TICRR: variants seen among roughly 807,000 people sequenced by gnomAD.
The protein encoded by TICRR is TOPBP1 interacting checkpoint and replication regulator.
A neutral mutation model predicts 178.1 loss-of-function variants in TICRR; 132 were observed. That is an observed-to-expected ratio of 0.74 (90% CI 0.64 to 0.86). The LOEUF (loss-of-function observed/expected upper bound fraction) is 0.86, where lower values mean the gene tolerates loss of function less well. TICRR is among the 40% of genes least tolerant of loss of function. The pLI is 0.00. For synonymous variants in TICRR, 991 were observed against 900.7 expected (o/e 1.10, Z -1.79); for missense variants, 2,587 against 2,334.3 (o/e 1.11, Z -2.23).
At chr15:89,607,746 T>A (rs1449634176) in intron 14 of TICRR, among the ~76,000 whole-genome samples, 5 of 152,086 alleles carry the variant, frequency 3.3e-5, no homozygotes, top group Non-Finnish European at 7.4e-5. Flanking sequence ...TTGGTTTGGG[T>A]TTAAATGATT....
chr15:89,625,909 T>A (rs1171675719), intron 20 of TICRR, 27 bp from the exon 21 acceptor site: 2 of 1,547,566 alleles, frequency 1.3e-6, no homozygotes, highest in Non-Finnish European at 1.7e-6. Flanking sequence ...CTGGGGACGC[T>A]GCTCTTACTA....
intron 7 of TICRR, among the ~76,000 whole-genome samples, chr15:89,598,230 C>A (rs1299502011): frequency 1.3e-5 from 2 of 152,138 alleles, no homozygotes; most frequent in Non-Finnish European, 2.9e-5. Context: ...ACCTCAGCCT[C>A]CCAAAGTGCT....
At chr15:89,584,159 A>G (rs557649676) in intron 2 of TICRR, 127 bp from the exon 3 acceptor site, 99 of 977,662 alleles carry the variant, frequency 1.0e-4, no homozygotes, top group African/African-American at 9.2e-4. Flanking sequence ...CAGTATCTCA[A>G]TTGACAACTT....
At chr15:89,584,601 A>G (rs777312095) in intron 3 of TICRR, 74 bp downstream of exon 3, 12 of 1,441,294 alleles carry the variant, frequency 8.3e-6, no homozygotes, top group Non-Finnish European at 1.1e-5. Flanking sequence ...GTGTTTATAA[A>G]TGCCCTACAC....
chr15:89,575,806 G>A lies in TICRR; in HGVS notation c.220G>A (p.Glu74Lys), dbSNP rs1364894231. ...CCGCGAGCTGGGGTCCCGCTCGTGGGAGGACTTTGAGGAGGAGCTGGAGGC... is the reference window on the plus strand; with the variant it reads ...CCGCGAGCTGGGGTCCCGCTCGTGGAAGGACTTTGAGGAGGAGCTGGAGGC... ...DFRELGSRSW[E>K]DFEEELEARL... is the part of the protein sequence containing the mutation. The change falls in exon 1 of 22, where the codon GAG (glutamate) becomes AAG (lysine). Residue 74 changes from glutamate to lysine, a missense_variant. Glu to Lys is a moderately conservative substitution (Grantham distance 56). Coordinates refer to ENST00000268138, the MANE Select transcript of TICRR (RefSeq NM_152259.4). 9 of 1,603,090 alleles carry A rather than the reference G, an allele frequency of 5.6e-6. No homozygotes were observed. The highest frequency in any genetic ancestry group is 1.7e-4 in the Middle Eastern group (1 of 5,926).
chr15:89,622,890 C>T (rs1001494784), intron 19 of TICRR, among the ~76,000 whole-genome samples: 1 of 152,218 alleles, frequency 6.6e-6, no homozygotes, highest in Non-Finnish European at 1.5e-5. Flanking sequence ...TTAGGCAGCC[C>T]TTCTTTGTGT....
At chr15:89,582,323 C>CAAAAA (rs35892715) in intron 1 of TICRR, 22 of 113,120 alleles carry the variant, frequency 1.9e-4, no homozygotes, top group African/African-American at 5.9e-4. Flanking sequence ...GACTCTGACT[C>CAAAAA]AAAAAAAAAA....
chr15:89,595,362 T>A, intron 6 of TICRR, 31 bp from the exon 7 acceptor site: 1 of 1,544,194 alleles, frequency 6.5e-7, no homozygotes, highest in Non-Finnish European at 8.9e-7. Context: ...GAAGGCAATT[T>A]ACTTTCCCTC....
chr15:89,579,244 TC>T (rs1421338379), intron 1 of TICRR, among the ~76,000 whole-genome samples: 1 of 152,156 alleles, frequency 6.6e-6, no homozygotes, highest in East Asian at 1.9e-4. Flanking sequence ...CATTTACAGA[TC>T]CCCAAATTTG....
At position 89,582,391 on chromosome 15, in the gene TICRR, G is replaced by C. The variant is rs117622793; in HGVS notation, c.655-295G>C. ...TTCTATGTTCCTTCTAACATTTTATGATCTATACCCAGTGATTTGTGTCAC... is the reference window on the plus strand; with the variant it reads ...TTCTATGTTCCTTCTAACATTTTATCATCTATACCCAGTGATTTGTGTCAC... On this transcript the variant is annotated intron_variant, in intron 1 of 21. Coordinates refer to ENST00000268138, the MANE Select transcript of TICRR (RefSeq NM_152259.4). 729 of 277,042 alleles carry C rather than the reference G, an allele frequency of 2.6e-3. 2 individuals are homozygous for C. Among genetic ancestry groups the C allele is most frequent in the Admixed American group, 5.8e-3 (119 of 20,448 alleles). The allele number at this position is 277,042 out of a possible 1,614,324, so 17.2% of individuals were successfully genotyped here. A position where few individuals can be genotyped will look rare whatever the true frequency, so the allele number is the denominator to read the frequency against.
chr15:89,617,064 G>A (rs552847681), intron 16 of TICRR, among the ~76,000 whole-genome samples: 22 of 152,262 alleles, frequency 1.4e-4, no homozygotes, highest in African/African-American at 5.3e-4. Context: ...GAAAACCCAG[G>A]GAGCTAGCTC....
Position 89,619,848 on chromosome 15 carries a change from A to G in TICRR, c.3154+6A>G, listed in dbSNP as rs867538201. 2 of 1,603,928 alleles carry G rather than the reference A, an allele frequency of 1.2e-6. No homozygotes were observed. Among genetic ancestry groups the G allele is most frequent in the Non-Finnish European group, 1.7e-6 (2 of 1,176,802 alleles). On this transcript the variant is annotated splice_donor_region_variant and intron_variant, in intron 18 of 21. Transcript: ENST00000268138. Reference sequence around the variant, plus strand: ...TTTCCAGCAAGATAAGTCAGGTAACATACGGGCCCCTCTGCCTTCACAAGT... The same window carrying G: ...TTTCCAGCAAGATAAGTCAGGTAACGTACGGGCCCCTCTGCCTTCACAAGT...
intron 13 of TICRR, among the ~76,000 whole-genome samples, chr15:89,603,785 A>G (rs950157449): frequency 2.0e-5 from 3 of 152,206 alleles, no homozygotes; most frequent in South Asian, 2.1e-4. Context: ...CATAAGTTCA[A>G]TTTGTAAATT....
chr15:89,624,038 C>G lies in TICRR; in HGVS notation c.3728C>G (p.Pro1243Arg). 6.2e-7 allele frequency: 1 copy of G among 1,613,980 alleles called. No homozygotes were observed. The highest frequency in any genetic ancestry group is 8.5e-7 in the Non-Finnish European group (1 of 1,179,994). ...TAQPRRECLT[P>R]IRDPLRTPPR... ...CAGCCCAGGAGAGAGTGTCTCACTC[C>G]CATCAGAGACCCTCTCAGAACACCT... Residue 1243 changes from proline to arginine, a missense_variant, in exon 20 of 22, where the codon CCC becomes CGC. Transcript: ENST00000268138.
At chr15:89,578,781 G>T (rs60999640) in intron 1 of TICRR, among the ~76,000 whole-genome samples, 51,171 of 151,686 alleles carry the variant, frequency 0.34, 8,671 homozygotes, top group South Asian at 0.37. Context: ...TTCTTACATC[G>T]GCTGTATCCC....
chr15:89,601,458 CTA>C, intron 10 of TICRR, 29 bp from the exon 11 acceptor site: 1 of 1,613,374 alleles, frequency 6.2e-7, no homozygotes, highest in Non-Finnish European at 8.5e-7. Flanking sequence ...CAGAGGGCAT[CTA>C]TATAGTAACG....
chr15:89,595,825 T>G lies in TICRR; in HGVS notation c.1900+214T>G, dbSNP rs187748479. 4.1e-3 allele frequency among the ~76,000 whole-genome samples: 623 copies of G among 152,040 alleles called. 6 individuals carry two copies. The highest frequency in any genetic ancestry group is 5.4e-3 in the Non-Finnish European group (366 of 67,990). ...TTGTGGTGAGCCGAGATTGCACCACTGCACTCCAGCCTGGGAGACAGAGCG... is the reference window on the plus strand; with the variant it reads ...TTGTGGTGAGCCGAGATTGCACCACGGCACTCCAGCCTGGGAGACAGAGCG... On this transcript the variant is annotated intron_variant, in intron 7 of 21. Coordinates refer to ENST00000268138, the MANE Select transcript of TICRR (RefSeq NM_152259.4).
rs780252923 is a variant in TICRR at position 89,621,438 on chromosome 15, G to C, written c.3200G>C (p.Ser1067Thr). 3 of 1,613,972 alleles carry C rather than the reference G, an allele frequency of 1.9e-6. No homozygotes were observed. Among genetic ancestry groups the C allele is most frequent in the Admixed American group, 3.3e-5 (2 of 59,948 alleles). The change falls in exon 19 of 22, where the codon AGT becomes ACT. Residue 1067 changes from serine (S) to threonine (T), a missense_variant. Physicochemically the swap from Ser to Thr is moderately conservative, Grantham distance 58 (BLOSUM62 1). Coordinates refer to ENST00000268138, the MANE Select transcript of TICRR (RefSeq NM_152259.4). ...SPVQSIRSPKSLLFGAMSEMI... is the reference protein window; with the variant it reads ...SPVQSIRSPKTLLFGAMSEMI... Reference sequence around the variant, plus strand: ...GTCCAAAGTATTCGGTCTCCCAAGAGTCTTCTTTTTGGGGCAATGTCTGAG... The same window carrying C: ...GTCCAAAGTATTCGGTCTCCCAAGACTCTTCTTTTTGGGGCAATGTCTGAG...
rs1269213100 is a variant in TICRR, at chr15:89,619,762, A to G, written c.3074A>G (p.His1025Arg). 4.3e-6 allele frequency: 7 copies of G among 1,614,064 alleles called. No individual in the cohort carries two copies. Among genetic ancestry groups the G allele is most frequent in the Non-Finnish European group, 5.9e-6 (7 of 1,180,004 alleles). The change falls in exon 18 of 22, where the codon CAT becomes CGT. Residue 1025 changes from histidine to arginine, a missense_variant. Physicochemically the swap from His to Arg is conservative, Grantham distance 29 (BLOSUM62 0). Transcript: ENST00000268138. Reference protein sequence around the residue: ...RIKQLSFSRTHSASFYSVSQP... With the variant: ...RIKQLSFSRTRSASFYSVSQP... The stretch of plus-strand genomic sequence containing the variant: ...AAGCAGTTGTCATTTAGCAGGACAC[A>G]TTCTGCCTCCTTCTATTCTGTGTCT...
Sources: allele counts gnomAD v4.1 joint callset (sites outside exome capture counted in the v4.1 genomes callset), GRCh38; gene constraint gnomAD v4.1.1; transcripts MANE v1.5; gene names NCBI Gene and HGNC (gene_info 2026-07-23, HGNC 2026-07-21).